The following ST6GALNAC5 variants were observed in gnomAD, a reference collection of about 807,000 sequenced individuals.
ST6GALNAC5 encodes alpha-N-acetylgalactosaminide alpha-2,6-sialyltransferase 5.
ST6GALNAC5 carries 27 observed loss-of-function variants against 33.6 expected under a neutral mutation model. That is an observed-to-expected ratio of 0.80 (90% CI 0.59 to 1.11). The LOEUF is 1.11. Among genes scored for constraint, ST6GALNAC5 ranks in the 50% least tolerant of loss-of-function variants. The probability of loss-of-function intolerance (pLI) is 0.00; values close to 1 mark genes in which losing one functional copy is unlikely to be tolerated. For synonymous variants in ST6GALNAC5, 194 were observed against 171.2 expected (o/e 1.13, Z -1.04); for missense variants, 428 against 454.0 (o/e 0.94, Z 0.52).
intron 4 of ST6GALNAC5, among the ~76,000 whole-genome samples, chr1:77,054,425 A>G (rs1250199463): frequency 6.6e-6 from 1 of 152,194 alleles, no homozygotes; most frequent in African/African-American, 2.4e-5. Context: ...TTGCATCTGG[A>G]CTATTGTATA....
intron 2 of ST6GALNAC5, among the ~76,000 whole-genome samples, chr1:76,992,226 C>T (rs975772789): frequency 3.9e-5 from 6 of 152,156 alleles, no homozygotes; most frequent in African/African-American, 1.4e-4. Flanking sequence ...GAATGAGTAA[C>T]TCTATGTCTT....
intron 2 of ST6GALNAC5, among the ~76,000 whole-genome samples, chr1:77,007,455 T>A (rs1196742590): frequency 6.6e-6 from 1 of 152,236 alleles, no homozygotes; most frequent in African/African-American, 2.4e-5. Context: ...TCCAAGTTCC[T>A]CTTCTCCAGG....
At chr1:76,903,562 C>A (rs1557716509) in intron 2 of ST6GALNAC5, among the ~76,000 whole-genome samples, 1 of 152,088 alleles carries the variant, frequency 6.6e-6, no homozygotes, top group African/African-American at 2.4e-5. Flanking sequence ...AAATATCTAG[C>A]TACAAAAAAC....
At chr1:76,931,090 T>C (rs1319957682) in intron 2 of ST6GALNAC5, among the ~76,000 whole-genome samples, 1 of 152,152 alleles carries the variant, frequency 6.6e-6, no homozygotes, top group Non-Finnish European at 1.5e-5. Context: ...CTTTGCTTGA[T>C]GGCTTTCAGA....
intron 2 of ST6GALNAC5, among the ~76,000 whole-genome samples, chr1:76,936,007 T>C (rs1389026091): frequency 6.6e-6 from 1 of 152,044 alleles, no homozygotes; most frequent in East Asian, 1.9e-4. Context: ...CATTTGTTAC[T>C]AAGAGAAAGA....
chr1:77,003,588 G>C (rs993680169), intron 2 of ST6GALNAC5, among the ~76,000 whole-genome samples: 45 of 151,584 alleles, frequency 3.0e-4, no homozygotes, highest in Middle Eastern at 3.4e-3. Flanking sequence ...TCCTAGTCTC[G>C]ATGGTCTTTA....
chr1:77,053,707 G>A (rs973355038), intron 4 of ST6GALNAC5, among the ~76,000 whole-genome samples: 2 of 152,186 alleles, frequency 1.3e-5, no homozygotes, highest in Non-Finnish European at 2.9e-5. Flanking sequence ...ATTGCATGAA[G>A]TCATAGATGA....
In ST6GALNAC5 at chr1:76,880,985, T is replaced by C. The variant is rs1296646698; in HGVS notation, c.261+12243T>C. Reference sequence around the variant, plus strand: ...TTGCAAATACTAGGATTATGGAAGATTAAATGTGTGAAAGGACTTTGAAAA... The same window carrying C: ...TTGCAAATACTAGGATTATGGAAGACTAAATGTGTGAAAGGACTTTGAAAA... On this transcript the variant is annotated intron_variant, in intron 2 of 4. Transcript: ENST00000477717. Among the ~76,000 whole-genome samples the C allele has an allele frequency of 5.3e-5, 8 of 152,250 alleles. No individual in the cohort carries two copies. The East Asian group carries it at 1.5e-3, about 29-fold the overall frequency.
intron 2 of ST6GALNAC5, among the ~76,000 whole-genome samples, chr1:76,960,931 T>A (rs1040449339): frequency 3.9e-5 from 6 of 152,152 alleles, no homozygotes; most frequent in Admixed American, 1.3e-4. Flanking sequence ...CACAGGGTCC[T>A]GAGGCGACAT....
In ST6GALNAC5 at chr1:76,867,681, G is replaced by C. The variant is rs1292882563; in HGVS notation, c.6G>C (p.Lys2Asn). M[K>N]TLMRHGLAVC... The stretch of plus-strand genomic sequence containing the variant: ...GCACAAAAGAGGTGCCCAAAATGAA[G>C]ACCCTGATGGTGAGTCAGTTGTGGC... Residue 2 changes from lysine to asparagine, a missense_variant, in exon 1 of 5, where the codon AAG becomes AAC. By Grantham distance (94) the Lys-to-Asn change is moderately conservative (BLOSUM62 0). Coordinates refer to ENST00000477717, the MANE Select transcript of ST6GALNAC5 (RefSeq NM_030965.3). The C allele has an allele frequency of 1.2e-6, 2 of 1,614,120 alleles. No individual in the cohort carries two copies. Among genetic ancestry groups the C allele is most frequent in the East Asian group, 2.2e-5 (1 of 44,860 alleles).
At position 77,065,516 on chromosome 1, in the gene ST6GALNAC5, TG is replaced by T. The variant is rs1652745075; in HGVS notation, c.*2311del. The T allele has an allele frequency of 6.6e-6, 1 of 152,212 alleles. No homozygotes were observed. Among genetic ancestry groups the T allele is most frequent in the Non-Finnish European group, 1.5e-5 (1 of 68,054 alleles). The allele number at this position is 152,212 out of a possible 1,614,324, so 9.4% of individuals were successfully genotyped here. A position where few individuals can be genotyped will look rare whatever the true frequency, so the allele number is the denominator to read the frequency against. On this transcript the variant is annotated 3_prime_UTR_variant, in exon 5 of 5. Coordinates refer to ENST00000477717, the MANE Select transcript of ST6GALNAC5 (RefSeq NM_030965.3). ...TATGTGATTTCATATTTTTTAAAAA[TG>T]TGGTGTAAATAAGTGTAAAAAATTA...
At chr1:77,022,851 G>A (rs539963347) in intron 2 of ST6GALNAC5, among the ~76,000 whole-genome samples, 149 of 152,248 alleles carry the variant, frequency 9.8e-4, no homozygotes, top group Non-Finnish European at 1.7e-3. Flanking sequence ...TCTACCATCT[G>A]TGTTCTTTAT....
Position 77,044,382 on chromosome 1 carries a change from C to G in ST6GALNAC5, c.440C>G (p.Ser147Cys), listed in dbSNP as rs866598998. Reference protein sequence around the residue: ...NRTSLRVIAHSSIQRILRNRH... With the variant: ...NRTSLRVIAHCSIQRILRNRH... ...ACCAGCCTGAGGGTCATCGCGCATT[C>G]CAGCATCCAGAGGATCCTCCGCAAC... Residue 147 changes from serine to cysteine, a missense_variant, in exon 3 of 5, where the codon TCC becomes TGC. Physicochemically the swap from Ser to Cys is moderately radical, Grantham distance 112 (BLOSUM62 -1). Coordinates refer to ENST00000477717, the MANE Select transcript of ST6GALNAC5 (RefSeq NM_030965.3). 1.2e-6 allele frequency: 2 copies of G among 1,613,704 alleles called. No individual in the cohort carries two copies. Among genetic ancestry groups the G allele is most frequent in the Non-Finnish European group, 1.7e-6 (2 of 1,179,960 alleles).
chr1:76,957,504 T>C (rs1432303202), intron 2 of ST6GALNAC5, among the ~76,000 whole-genome samples: 1 of 152,202 alleles, frequency 6.6e-6, no homozygotes, highest in Non-Finnish European at 1.5e-5. Context: ...TGAGAGGACA[T>C]TAATTTTGGT....
intron 4 of ST6GALNAC5, among the ~76,000 whole-genome samples, chr1:77,052,193 G>A (rs759752428): frequency 8.5e-5 from 13 of 152,172 alleles, no homozygotes; most frequent in East Asian, 5.8e-4. Flanking sequence ...GGACCCCTAC[G>A]CCCAAGTTCT....
chr1:77,032,572 A>T, intron 2 of ST6GALNAC5, among the ~76,000 whole-genome samples: 1 of 152,148 alleles, frequency 6.6e-6, no homozygotes, highest in South Asian at 2.1e-4. Flanking sequence ...TTGAGCCATA[A>T]TAATACTAAT....
At chr1:76,939,419 T>A (rs1340169013) in intron 2 of ST6GALNAC5, among the ~76,000 whole-genome samples, 1 of 152,064 alleles carries the variant, frequency 6.6e-6, no homozygotes, top group Non-Finnish European at 1.5e-5. Context: ...CAGGACCCAC[T>A]GTCGATGGAA....
chr1:76,910,367 G>T (rs1187009161), intron 2 of ST6GALNAC5, among the ~76,000 whole-genome samples: 1 of 152,012 alleles, frequency 6.6e-6, no homozygotes, highest in South Asian at 2.1e-4. Context: ...GGTTAAAGAT[G>T]TGTGATTTTT....
intron 2 of ST6GALNAC5, among the ~76,000 whole-genome samples, chr1:76,988,220 T>C (rs566849798): frequency 4.9e-4 from 75 of 152,228 alleles, no homozygotes; most frequent in African/African-American, 1.7e-3. Context: ...TTTCCAGAAG[T>C]TGTGACTGGT....
Sources: allele counts gnomAD v4.1 joint callset (sites outside exome capture counted in the v4.1 genomes callset), GRCh38; gene constraint gnomAD v4.1.1; transcripts MANE v1.5; gene names NCBI Gene and HGNC (gene_info 2026-07-23, HGNC 2026-07-21).